SH2D2A: variants seen among roughly 807,000 people sequenced by gnomAD.
SH2D2A encodes the protein SH2 domain-containing protein 2A.
Under a neutral mutation model 43.6 loss-of-function variants are expected in SH2D2A, and 33 were observed. The observed-to-expected ratio is 0.76, with a 90% CI of 0.57 to 1.01. The LOEUF (loss-of-function observed/expected upper bound fraction) is 1.01, where lower values mean the gene tolerates loss of function less well. Among genes scored for constraint, SH2D2A ranks in the 50% least tolerant of loss-of-function variants. The pLI is 0.00. For missense variants in SH2D2A, 491 were observed against 503.1 expected (o/e 0.98, Z 0.23); for synonymous variants, 212 against 206.1 (o/e 1.03, Z -0.25).
chr1:156,807,215 C>T lies in SH2D2A; in HGVS notation c.1133G>A (p.Arg378Lys). 1 of 1,466,900 alleles carries T rather than the reference C, an allele frequency of 6.8e-7. No individual in the cohort carries two copies. The highest frequency in any genetic ancestry group is 1.5e-5 in the African/African-American group (1 of 68,736). 90.9% of individuals were successfully genotyped at this position (1,466,900 alleles called of 1,614,324 possible). A position where few individuals can be genotyped will look rare whatever the true frequency, so the allele number is the denominator to read the frequency against. ...CCCAAGGGGAAGCCATGCCTGTCCT[C>T]TGTCCTGAAGCACCTGTCTAGAAAG... Reference protein sequence around the residue: ...HNLSRQVLQDRGQAWLPLGPP... With the variant: ...HNLSRQVLQDKGQAWLPLGPP... The change falls in exon 8 of 9, where the codon AGA (arginine) becomes AAA (lysine). Residue 378 changes from arginine (R) to lysine (K), a missense_variant. Transcript: ENST00000368199. This position sits in a 1 kb window ranked among gnomAD's most constrained non-coding sequence, Gnocchi z 5.1.
chr1:156,812,636 T>C (rs140624603), intron 5 of SH2D2A, among the ~76,000 whole-genome samples: 1 of 152,254 alleles, frequency 6.6e-6, no homozygotes, highest in Non-Finnish European at 1.5e-5. Context: ...TTCAACAATA[T>C]TTCACATGAA....
intron 7 of SH2D2A, among the ~76,000 whole-genome samples, chr1:156,808,059 G>C (rs1653096105): frequency 6.6e-6 from 1 of 152,114 alleles, no homozygotes; most frequent in Non-Finnish European, 1.5e-5. Flanking sequence ...AGCTGAGGTG[G>C]GAGGATCACT....
intron 5 of SH2D2A, among the ~76,000 whole-genome samples, chr1:156,812,302 C>T (rs377332269): frequency 6.6e-6 from 1 of 152,162 alleles, no homozygotes. Context: ...CACCTCGTCT[C>T]GCTCAGAATA....
chr1:156,809,909 G>C lies in SH2D2A; in HGVS notation c.568-102C>G. 1 of 1,347,528 alleles carries C rather than the reference G, an allele frequency of 7.4e-7. No homozygotes were observed. Among genetic ancestry groups the C allele is most frequent in the Non-Finnish European group, 1.0e-6 (1 of 966,348 alleles). The allele number at this position is 1,347,528 out of a possible 1,614,324, so 83.5% of individuals were successfully genotyped here. On this transcript the variant is annotated intron_variant, in intron 5 of 8. Transcript: ENST00000368199. This position sits in a 1 kb window ranked among gnomAD's most constrained non-coding sequence, Gnocchi z 4.8. Reference sequence around the variant, plus strand: ...CCAGTCTAAGTGGAGGATGGGGGAAGGGGGAGGAGCACAGAAATTTGGCCT... The same window carrying C: ...CCAGTCTAAGTGGAGGATGGGGGAACGGGGAGGAGCACAGAAATTTGGCCT...
chr1:156,811,697 G>A lies in SH2D2A; in HGVS notation c.568-1890C>T, dbSNP rs113128401. 9.0e-3 allele frequency among the ~76,000 whole-genome samples: 1,370 copies of A among 152,126 alleles called. 30 individuals carry two copies. The highest frequency in any genetic ancestry group is 0.031 in the African/African-American group (1,297 of 41,496). ...TCAATTCCACCCTCTGCCCTCACCC[G>A]CCTTCACTCACTTTCTTCGCTTGGC... On this transcript the variant is annotated intron_variant, in intron 5 of 8. Coordinates refer to ENST00000368199, the MANE Select transcript of SH2D2A (RefSeq NM_003975.4).
intron 7 of SH2D2A, among the ~76,000 whole-genome samples, chr1:156,808,037 G>A (rs967011537): frequency 1.3e-5 from 2 of 152,140 alleles, no homozygotes; most frequent in Admixed American, 1.3e-4. Flanking sequence ...GGTGGCTCGA[G>A]CCTGTAATCT....
intron 5 of SH2D2A, among the ~76,000 whole-genome samples, chr1:156,813,204 C>T (rs973270802): frequency 3.9e-5 from 6 of 152,308 alleles, no homozygotes; most frequent in East Asian, 3.9e-4. Context: ...CAGTGGCTCA[C>T]GCCTGTAATC....
At chr1:156,814,404 C>A in intron 3 of SH2D2A, 110 bp from the exon 4 acceptor site, 3 of 1,509,054 alleles carry the variant, frequency 2.0e-6, no homozygotes, top group South Asian at 2.6e-5. Context: ...CATGCTGGAG[C>A]GGCTAGAGAA....
At chr1:156,816,537 C>G in intron 1 of SH2D2A, 138 bp downstream of exon 1, 1 of 730,442 alleles carries the variant, frequency 1.4e-6, no homozygotes, top group Non-Finnish European at 2.2e-6. Flanking sequence ...TGTGGTCACC[C>G]TGCCAATCAG....
In SH2D2A at chr1:156,807,077, T is replaced by G; in HGVS notation, c.*3+98A>C. On this transcript the variant is annotated intron_variant, in intron 8 of 8. Coordinates refer to ENST00000368199, the MANE Select transcript of SH2D2A (RefSeq NM_003975.4). The surrounding 1 kb of genome is among the most constrained non-coding windows in gnomAD (Gnocchi z 5.1). Reference sequence around the variant, plus strand: ...GCTCCTTTCCAGCTTTGAACACCTATGGTTTATTCCATCCACATTTCTTGA... The same window carrying G: ...GCTCCTTTCCAGCTTTGAACACCTAGGGTTTATTCCATCCACATTTCTTGA... The G allele has an allele frequency of 8.9e-7, 1 of 1,129,156 alleles. No individual in the cohort carries two copies. Among genetic ancestry groups the G allele is most frequent in the African/African-American group, 1.5e-5 (1 of 65,536 alleles). 69.9% of individuals were successfully genotyped at this position (1,129,156 alleles called of 1,614,324 possible).
In SH2D2A at chr1:156,814,237, G is replaced by T; in HGVS notation, c.366C>A (p.Ser122Arg). Residue 122 changes from serine to arginine, a missense_variant, in exon 4 of 9, where the codon AGC becomes AGA. Transcript: ENST00000368199. ...KPQGCYLVRF[S>R]ESAVTFVLTY... ...TCAGCACGAAGGTCACCGCGCTCTC[G>T]CTGAACCGCACCAAGTAGCACCCCT... 6.2e-7 allele frequency: 1 copy of T among 1,613,912 alleles called. No individual in the cohort carries two copies. Among genetic ancestry groups the T allele is most frequent in the Non-Finnish European group, 8.5e-7 (1 of 1,179,968 alleles).
chr1:156,808,379 G>C lies in SH2D2A; in HGVS notation c.1002+824C>G, dbSNP rs111445657. On this transcript the variant is annotated intron_variant, in intron 7 of 8. Transcript: ENST00000368199. Reference sequence around the variant, plus strand: ...GGCCGTGTTGAGTTTGAGGGGCTCAGGGATGCTGGGGGGAACTGACCAGAA... The same window carrying C: ...GGCCGTGTTGAGTTTGAGGGGCTCACGGATGCTGGGGGGAACTGACCAGAA... Among the ~76,000 whole-genome samples the C allele has an allele frequency of 9.8e-3, 1,496 of 152,274 alleles. 29 individuals are homozygous for C. The highest frequency in any genetic ancestry group is 0.034 in the African/African-American group (1,413 of 41,550).
At chr1:156,814,909 A>G (rs1653744290) in intron 3 of SH2D2A, 128 bp downstream of exon 3, 4 of 720,852 alleles carry the variant, frequency 5.5e-6, no homozygotes, top group Admixed American at 3.7e-5. Context: ...GGGAGCCTGG[A>G]GTGGGCGCCT....
Position 156,809,740 on chromosome 1 carries a change from G to A in SH2D2A, c.635C>T (p.Pro212Leu). ...GATGATTGGGCTGTACTGGGGGTTT[G>A]GGTCCTGGCTTTTGCTTCCAAAGTT... ...ESNFGSKSQD[P>L]NPQYSPIIKQ... is the part of the protein sequence containing the mutation. Residue 212 changes from proline (P) to leucine (L), a missense_variant, in exon 6 of 9, where the codon CCA becomes CTA. Coordinates refer to ENST00000368199, the MANE Select transcript of SH2D2A (RefSeq NM_003975.4). This position sits in a 1 kb window ranked among gnomAD's most constrained non-coding sequence, Gnocchi z 4.8. The A allele has an allele frequency of 6.2e-7, 1 of 1,614,098 alleles. No homozygotes were observed.
At chr1:156,811,234 G>A (rs539090563) in intron 5 of SH2D2A, among the ~76,000 whole-genome samples, 5 of 152,104 alleles carry the variant, frequency 3.3e-5, no homozygotes, top group South Asian at 4.1e-4. Context: ...TCTAAATATC[G>A]TTCACATCTG....
At chr1:156,810,630 C>T (rs1258046054) in intron 5 of SH2D2A, among the ~76,000 whole-genome samples, 1 of 152,024 alleles carries the variant, frequency 6.6e-6, no homozygotes, top group Non-Finnish European at 1.5e-5. Context: ...AAGACATTCT[C>T]CTGCCTCAGC....
At position 156,816,738 on chromosome 1, in the gene SH2D2A, AGG is replaced by A; in HGVS notation, c.-32_-31del. The A allele has an allele frequency of 6.3e-7, 1 of 1,584,138 alleles. No homozygotes were observed. The highest frequency in any genetic ancestry group is 8.6e-7 in the Non-Finnish European group (1 of 1,164,874). ...GCAGCCTCACAAGGGATCCCAGAGCAGGGTGTGTGTATGTGTTCCGGAAAGGT... is the reference window on the plus strand; with the variant it reads ...GCAGCCTCACAAGGGATCCCAGAGCAGTGTGTGTATGTGTTCCGGAAAGGT... On this transcript the variant is annotated 5_prime_UTR_variant, in exon 1 of 9. Transcript: ENST00000368199.
intron 1 of SH2D2A, 46 bp from the exon 2 acceptor site, chr1:156,816,140 T>G (rs1377624612): frequency 1.3e-6 from 2 of 1,568,630 alleles, no homozygotes; most frequent in East Asian, 2.3e-5. Flanking sequence ...AGAGGAACTA[T>G]GTCTGTCTCT....
chr1:156,812,877 A>G (rs1055966913), intron 5 of SH2D2A, among the ~76,000 whole-genome samples: 1 of 152,228 alleles, frequency 6.6e-6, no homozygotes, highest in African/African-American at 2.4e-5. Context: ...AGAGATATTC[A>G]GGTCATTTAC....
Sources: gnomAD v4.1 joint callset for allele counts (sites outside exome capture counted in the v4.1 genomes callset) on GRCh38, gnomAD v4.1.1 for gene constraint, Gnocchi (gnomAD v3.1) non-coding constraint, MANE v1.5 for transcripts, NCBI Gene and HGNC (gene_info 2026-07-23, HGNC 2026-07-21) for gene names.